The following SLC28A1 variants were observed in gnomAD, a reference collection of about 807,000 sequenced individuals.
SLC28A1 encodes sodium/nucleoside cotransporter 1.
SLC28A1 carries 64 observed loss-of-function variants against 74.8 expected under a neutral mutation model. That is an observed-to-expected ratio of 0.86 (90% CI 0.70 to 1.05). SLC28A1 has a LOEUF of 1.05. Ranked by LOEUF, SLC28A1 falls within the 50% of genes least tolerant of loss-of-function variation. The probability of loss-of-function intolerance (pLI) is 0.00; values close to 1 mark genes in which losing one functional copy is unlikely to be tolerated. For missense variants in SLC28A1, 828 were observed against 822.8 expected (o/e 1.01, Z -0.08); for synonymous variants, 359 against 335.0 (o/e 1.07, Z -0.78).
chr15:84,920,518 C>G (rs1969688094), intron 10 of SLC28A1, among the ~76,000 whole-genome samples: 1 of 151,208 alleles, frequency 6.6e-6, no homozygotes, highest in South Asian at 2.1e-4. Flanking sequence ...TTTCCCAAAA[C>G]CTTTTCCACA....
At chr15:84,973,564 G>A in the SLC28A1 span, among the ~76,000 whole-genome samples, 1 of 152,178 alleles carries the variant, frequency 6.6e-6, no homozygotes, top group Admixed American at 6.5e-5. Flanking sequence ...CATGCAGACA[G>A]TGATCCACTC....
intron 15 of SLC28A1, among the ~76,000 whole-genome samples, chr15:84,938,844 G>A (rs921714734): frequency 2.0e-5 from 3 of 152,152 alleles, no homozygotes; most frequent in Admixed American, 6.5e-5. Flanking sequence ...CTTGGAGAAC[G>A]GATGAGCTAG....
In SLC28A1 at chr15:84,908,638, C is replaced by T. The variant is rs1190866455; in HGVS notation, c.718-80C>T. ...GGACTACGTCCCTGGGCCAACCCGC[C>T]TGTCTCTGGCCGCTGCTTCCTCCCT... is the stretch of plus-strand genomic sequence containing the variant. On this transcript the variant is annotated intron_variant, in intron 8 of 18. Transcript: ENST00000394573. 1.4e-5 allele frequency: 18 copies of T among 1,254,040 alleles called. No individual in the cohort carries two copies. In the East Asian group the frequency reaches 4.2e-4, roughly 29 times the overall value. 77.7% of individuals were successfully genotyped at this position (1,254,040 alleles called of 1,614,324 possible). A position where few individuals can be genotyped will look rare whatever the true frequency, so the allele number is the denominator to read the frequency against.
Position 84,886,754 on chromosome 15 carries a change from C to G in SLC28A1, c.-50C>G, listed in dbSNP as rs903724119. ...TCCCCACAGAGACGTGTGCTTCCCTCTCTCTCTGAGAGCGACCTGTTAACC... is the reference window on the plus strand; with the variant it reads ...TCCCCACAGAGACGTGTGCTTCCCTGTCTCTCTGAGAGCGACCTGTTAACC... On this transcript the variant is annotated 5_prime_UTR_variant, in exon 2 of 19. Transcript: ENST00000394573. 4 of 985,356 alleles carry G rather than the reference C, an allele frequency of 4.1e-6. No homozygotes were observed. In the African/African-American group the frequency reaches 7.0e-5, roughly 17 times the overall value. 61.0% of individuals were successfully genotyped at this position (985,356 alleles called of 1,614,324 possible).
At position 84,892,193 on chromosome 15, in the gene SLC28A1, T is replaced by A. The variant is rs77003198; in HGVS notation, c.277+1659T>A. 2.7e-3 allele frequency among the ~76,000 whole-genome samples: 415 copies of A among 152,044 alleles called. 16 individuals are homozygous for A. In the East Asian group the frequency reaches 0.071, roughly 26 times the overall value. On this transcript the variant is annotated intron_variant, in intron 5 of 18. Transcript: ENST00000394573. The stretch of plus-strand genomic sequence containing the variant: ...AGCAAGACCCCACCTCTACAAAAAA[T>A]TTTAAAAATAAAAATAAATTTTAAA...
At chr15:84,935,247 TG>T in intron 14 of SLC28A1, 53 bp downstream of exon 14, 1 of 1,611,674 alleles carries the variant, frequency 6.2e-7, no homozygotes, top group South Asian at 1.1e-5. Context: ...CCCAGGTGGG[TG>T]GTGAGTGGTG....
chr15:84,967,631 G>C, the SLC28A1 span, among the ~76,000 whole-genome samples: 1 of 152,214 alleles, frequency 6.6e-6, no homozygotes. Flanking sequence ...GGAGAGACTT[G>C]GCAGCAGACG....
intron 6 of SLC28A1, among the ~76,000 whole-genome samples, chr15:84,902,645 A>G (rs912139355): frequency 6.6e-5 from 10 of 152,114 alleles, no homozygotes; most frequent in African/African-American, 2.2e-4. Flanking sequence ...ATCAAATTGA[A>G]CACCTCCAAT....
At chr15:84,929,648 C>T (rs1447225155) in intron 12 of SLC28A1, among the ~76,000 whole-genome samples, 1 of 151,870 alleles carries the variant, frequency 6.6e-6, no homozygotes, top group African/African-American at 2.4e-5. Context: ...AGACCAGGAG[C>T]TTGAGACCAG....
In SLC28A1 at chr15:84,943,508, A is replaced by T. The variant is rs755361599; in HGVS notation, c.1645A>T (p.Ile549Phe). The T allele has an allele frequency of 2.5e-6, 4 of 1,613,960 alleles. No individual in the cohort carries two copies. The highest frequency in any genetic ancestry group is 3.4e-6 in the Non-Finnish European group (4 of 1,179,818). The change falls in exon 16 of 19, where the codon ATC becomes TTC. Residue 549 changes from isoleucine to phenylalanine, a missense_variant. Ile to Phe is a conservative substitution (Grantham distance 21). Around this residue, in one of 3 missense-constraint regions of SLC28A1, gnomAD observed 767 missense variants for 753.5 expected, o/e 1.02. Transcript: ENST00000394573. ...ATTTGCCAATTTCAGCTCCATTGGGATCATGCTGGGAGGCTTGAGTGAGTC... is the reference window on the plus strand; with the variant it reads ...ATTTGCCAATTTCAGCTCCATTGGGTTCATGCTGGGAGGCTTGAGTGAGTC... Reference protein sequence around the residue: ...CGFANFSSIGIMLGGLTSMVP... With the variant: ...CGFANFSSIGFMLGGLTSMVP...
At chr15:84,938,797 G>A (rs1186622054) in intron 15 of SLC28A1, among the ~76,000 whole-genome samples, 1 of 151,926 alleles carries the variant, frequency 6.6e-6, no homozygotes, top group African/African-American at 2.4e-5. Context: ...GGACTGGTCA[G>A]AAAAAATATC....
intron 5 of SLC28A1, among the ~76,000 whole-genome samples, chr15:84,890,835 T>C (rs1965294722): frequency 6.6e-6 from 1 of 151,934 alleles, no homozygotes; most frequent in Non-Finnish European, 1.5e-5. Flanking sequence ...GGAGGTGACA[T>C]TGGAGTCTCA....
rs1201524626 is a variant in SLC28A1, at chr15:84,888,895, G to A, written c.185+35G>A. 3 of 1,454,136 alleles carry A rather than the reference G, an allele frequency of 2.1e-6. No individual in the cohort carries two copies. The African/African-American group carries it at 4.2e-5, about 20-fold the overall frequency. The allele number at this position is 1,454,136 out of a possible 1,614,324, so 90.1% of individuals were successfully genotyped here. A position where few individuals can be genotyped will look rare whatever the true frequency, so the allele number is the denominator to read the frequency against. Reference sequence around the variant, plus strand: ...CTCTGGAGAGACAAGGGCGGGCCTGGGGTGGAGGCTGCTTGGGAACAGGAT... The same window carrying A: ...CTCTGGAGAGACAAGGGCGGGCCTGAGGTGGAGGCTGCTTGGGAACAGGAT... On this transcript the variant is annotated intron_variant, in intron 4 of 18. Coordinates refer to ENST00000394573, the MANE Select transcript of SLC28A1 (RefSeq NM_004213.5).
chr15:84,918,974 C>T (rs1969475625), intron 10 of SLC28A1, among the ~76,000 whole-genome samples: 1 of 151,450 alleles, frequency 6.6e-6, no homozygotes, highest in African/African-American at 2.4e-5. Flanking sequence ...TCCCTGAATC[C>T]CCTGCTTCCA....
intron 9 of SLC28A1, among the ~76,000 whole-genome samples, chr15:84,910,715 C>T (rs576245298): frequency 9.4e-4 from 143 of 152,194 alleles, no homozygotes; most frequent in South Asian, 1.9e-3. Flanking sequence ...GCAACAAGAG[C>T]GAAACTGCAT....
chr15:84,960,930 A>G, the SLC28A1 span, among the ~76,000 whole-genome samples: 1 of 152,140 alleles, frequency 6.6e-6, no homozygotes, highest in Non-Finnish European at 1.5e-5. Context: ...CAGCATGTTT[A>G]ACTGGCTGAT....
intron 7 of SLC28A1, among the ~76,000 whole-genome samples, chr15:84,905,255 C>T (rs566104845): frequency 1.3e-5 from 2 of 152,190 alleles, no homozygotes; most frequent in Non-Finnish European, 2.9e-5. Context: ...CAGTGATGAC[C>T]AGGAGACGAA....
intron 12 of SLC28A1, among the ~76,000 whole-genome samples, chr15:84,926,071 T>A (rs1215890861): frequency 6.8e-6 from 1 of 147,436 alleles, no homozygotes; most frequent in Non-Finnish European, 1.5e-5. Context: ...ATTCTATATA[T>A]AATATTTTAT....
the SLC28A1 span, among the ~76,000 whole-genome samples, chr15:84,957,791 C>G: frequency 1.3e-5 from 2 of 152,252 alleles, no homozygotes; most frequent in African/African-American, 4.8e-5. Flanking sequence ...ATTGTTTAAG[C>G]TATTCTAGTT....
Sources: gnomAD v4.1 joint callset for allele counts (sites outside exome capture counted in the v4.1 genomes callset) on GRCh38, gnomAD v4.1.1 for gene constraint, gnomAD v4.1.1 regional missense constraint, MANE v1.5 for transcripts, NCBI Gene and HGNC (gene_info 2026-07-23, HGNC 2026-07-21) for gene names.